The following APOL1 variants were observed in gnomAD, a reference collection of about 807,000 sequenced individuals.
APOL1 encodes the protein apolipoprotein L 1.
Under a neutral mutation model 14.9 loss-of-function variants are expected in APOL1, and 17 were observed. The ratio of observed to expected loss-of-function variants is 1.14; its 90% CI spans 0.78 to 1.71. The LOEUF (loss-of-function observed/expected upper bound fraction) is 1.71, where lower values mean the gene tolerates loss of function less well. Among genes scored for constraint, APOL1 ranks in the 40% most tolerant of loss-of-function variants. The probability of loss-of-function intolerance (pLI) is 0.00; values close to 1 mark genes in which losing one functional copy is unlikely to be tolerated. For synonymous variants in APOL1, 195 were observed against 184.8 expected (o/e 1.05, Z -0.45); for missense variants, 523 against 485.9 (o/e 1.08, Z -0.72).
rs554687721 is a variant in APOL1 at position 36,265,603 on chromosome 22, A to G, written c.767A>G (p.Glu256Gly). ...CTTGACAAATTGAAGGAGGTGAGGG[A>G]GTTTTTGGGTGAGAACATATCCAAC... ...KSLDKLKEVR[E>G]FLGENISNFL... The change falls in exon 6 of 6, where the codon GAG becomes GGG. Residue 256 changes from glutamate to glycine, a missense_variant. Glu to Gly is a moderately conservative substitution (Grantham distance 98). Transcript: ENST00000397278. The G allele has an allele frequency of 2.4e-4, 384 of 1,596,432 alleles. 6 individuals carry two copies. In the Admixed American group the frequency reaches 6.6e-3, roughly 27 times the overall value.
intron 1 of APOL1, among the ~76,000 whole-genome samples, chr22:36,254,263 C>T (rs2015784675): frequency 6.6e-6 from 1 of 152,016 alleles, no homozygotes; most frequent in Non-Finnish European, 1.5e-5. Flanking sequence ...AAATCTGAGT[C>T]ATGGTCTTAT....
At chr22:36,258,157 C>T (rs534022857) in intron 4 of APOL1, among the ~76,000 whole-genome samples, 3 of 152,176 alleles carry the variant, frequency 2.0e-5, no homozygotes, top group Non-Finnish European at 4.4e-5. Context: ...CGTCCCCCCC[C>T]AGCTGTGTTA....
rs1214238284 is a variant in APOL1 at position 36,265,123 on chromosome 22, CT to C, written c.315-26del. 3 of 1,611,812 alleles carry C rather than the reference CT, an allele frequency of 1.9e-6. No homozygotes were observed. The African/African-American group carries it at 4.0e-5, about 22-fold the overall frequency. The stretch of plus-strand genomic sequence containing the variant: ...ACCACACCGAGCCAAAACTGCATTT[CT>C]TAATCCTTTAACCTTTCCTTGTGCA... On this transcript the variant is annotated intron_variant, in intron 5 of 5. Transcript: ENST00000397278.
intron 2 of APOL1, among the ~76,000 whole-genome samples, chr22:36,256,495 C>T (rs1057008969): frequency 6.6e-6 from 1 of 152,216 alleles, no homozygotes; most frequent in Non-Finnish European, 1.5e-5. Flanking sequence ...GACAGGGCAG[C>T]ACCAGGAGGG....
rs373553101 is a variant in APOL1, at chr22:36,266,084, C to CA, written c.*55dup. The CA allele has an allele frequency of 6.6e-7, 1 of 1,514,236 alleles. No homozygotes were observed. The highest frequency in any genetic ancestry group is 2.3e-5 in the East Asian group (1 of 44,112). 93.8% of individuals were successfully genotyped at this position (1,514,236 alleles called of 1,614,324 possible). A position where few individuals can be genotyped will look rare whatever the true frequency, so the allele number is the denominator to read the frequency against. On this transcript the variant is annotated 3_prime_UTR_variant, in exon 6 of 6. Transcript: ENST00000397278. ...GAGATATGCCTGGCAGGGGCCAGGACAAAATGCAAACTTTTTTTTTTTTCT... is the reference window on the plus strand; with the variant it reads ...GAGATATGCCTGGCAGGGGCCAGGACAAAAATGCAAACTTTTTTTTTTTTCT...
At chr22:36,260,629 T>C (rs1196537850) in intron 4 of APOL1, among the ~76,000 whole-genome samples, 1 of 152,184 alleles carries the variant, frequency 6.6e-6, no homozygotes, top group African/African-American at 2.4e-5. Flanking sequence ...AATGTGAATA[T>C]TTGCTTGTTT....
At chr22:36,254,701 A>G (rs935705994) in intron 1 of APOL1, among the ~76,000 whole-genome samples, 2 of 152,034 alleles carry the variant, frequency 1.3e-5, no homozygotes, top group African/African-American at 2.4e-5. Context: ...TCTCTACTAA[A>G]AATACAAAAA....
At position 36,253,150 on chromosome 22, in the gene APOL1, C is replaced by A; in HGVS notation, c.-89C>A. On this transcript the variant is annotated 5_prime_UTR_variant, in exon 1 of 6. It adds an upstream start codon to the 5' untranslated region. Transcript: ENST00000397278. ...GTCTGGTTATTATACAGACGCATAA[C>A]TGGAGGTGGGATCCACACAGCTCAG... 2.0e-6 allele frequency: 1 copy of A among 496,140 alleles called. No individual in the cohort carries two copies. The highest frequency in any genetic ancestry group is 4.0e-6 in the Non-Finnish European group (1 of 248,888). The allele number at this position is 496,140 out of a possible 1,614,324, so 30.7% of individuals were successfully genotyped here. A position where few individuals can be genotyped will look rare whatever the true frequency, so the allele number is the denominator to read the frequency against.
chr22:36,265,324 A>T lies in APOL1; in HGVS notation c.488A>T (p.Asp163Val), dbSNP rs2016203623. 1.2e-6 allele frequency: 2 copies of T among 1,612,478 alleles called. No individual in the cohort carries two copies. The highest frequency in any genetic ancestry group is 1.3e-5 in the African/African-American group (1 of 74,778). ...ATAAGAAGGCTCCGTGCCCTTGCAGATGGGGTTCAGAAGGTCCACAAAGGC... is the reference window on the plus strand; with the variant it reads ...ATAAGAAGGCTCCGTGCCCTTGCAGTTGGGGTTCAGAAGGTCCACAAAGGC... ...DNIRRLRALA[D>V]GVQKVHKGTT... The change falls in exon 6 of 6, where the codon GAT becomes GTT. Residue 163 changes from aspartate (D) to valine (V), a missense_variant. By Grantham distance (152) the Asp-to-Val change is radical (BLOSUM62 -3). Transcript: ENST00000397278.
In APOL1 at chr22:36,265,419, G is replaced by A; in HGVS notation, c.583G>A (p.Gly195Ser). 1.2e-6 allele frequency: 2 copies of A among 1,614,018 alleles called. No individual in the cohort carries two copies. Among genetic ancestry groups the A allele is most frequent in the East Asian group, 2.2e-5 (1 of 44,876 alleles). The change falls in exon 6 of 6, where the codon GGT (glycine) becomes AGT (serine). Residue 195 changes from glycine to serine, a missense_variant. Coordinates refer to ENST00000397278, the MANE Select transcript of APOL1 (RefSeq NM_003661.4). ...SSGILTLVGMGLAPFTEGGSL... is the reference protein window; with the variant it reads ...SSGILTLVGMSLAPFTEGGSL... The stretch of plus-strand genomic sequence containing the variant: ...TGGCATCCTGACCCTCGTCGGCATG[G>A]GTCTGGCACCCTTCACAGAGGGAGG...
rs1484707564 is a variant in APOL1 at position 36,257,358 on chromosome 22, TC to T, written c.140del (p.Pro47LeufsTer33). On this transcript the variant is annotated frameshift_variant, in exon 4 of 6. Transcript: ENST00000397278. LOFTEE classifies it high-confidence loss of function. ...TTCCAAGTGGGACAGATACTGGAGA[TC>T]CTCAAAGTAAGCCCCTCGGTGACTG... ...NVPSGTDTGD[P>X]QSKPLGDWAA... The T allele has an allele frequency of 1.9e-6, 3 of 1,614,028 alleles. No individual in the cohort carries two copies.
Position 36,266,316 on chromosome 22 carries a change from C to G in APOL1, c.*283C>G, listed in dbSNP as rs570583963. The G allele has an allele frequency of 2.4e-6, 1 of 422,448 alleles. No individual in the cohort carries two copies. The highest frequency in any genetic ancestry group is 3.6e-5 in the East Asian group (1 of 27,604). 26.2% of individuals were successfully genotyped at this position (422,448 alleles called of 1,614,324 possible). On this transcript the variant is annotated 3_prime_UTR_variant, in exon 6 of 6. Transcript: ENST00000397278. ...ATGTTGGCCAGGATGGTCTCGATCT[C>G]CTGACCTCTTGATCTGCCCACCTTG...
intron 4 of APOL1, chr22:36,259,604 G>T: frequency 8.1e-7 from 1 of 1,240,254 alleles, no homozygotes. Flanking sequence ...CTTACGAAGG[G>T]CTGGGCTGGG....
At chr22:36,257,811 G>C (rs1323422083) in intron 4 of APOL1, among the ~76,000 whole-genome samples, 1 of 152,124 alleles carries the variant, frequency 6.6e-6, no homozygotes, top group Non-Finnish European at 1.5e-5. Context: ...GCTGACCCTG[G>C]GGTGTTTCCA....
intron 1 of APOL1, among the ~76,000 whole-genome samples, chr22:36,254,155 TG>T (rs2015780624): frequency 6.6e-6 from 1 of 152,124 alleles, no homozygotes; most frequent in Admixed American, 6.5e-5. Context: ...TGTGTGACTC[TG>T]GGAAATTCAC....
chr22:36,266,645 C>G lies in APOL1; in HGVS notation c.*612C>G, dbSNP rs949902490. The G allele has an allele frequency of 5.1e-6, 2 of 394,496 alleles. No homozygotes were observed. Among genetic ancestry groups the G allele is most frequent in the African/African-American group, 4.1e-5 (2 of 48,474 alleles). The allele number at this position is 394,496 out of a possible 1,614,324, so 24.4% of individuals were successfully genotyped here. A position where few individuals can be genotyped will look rare whatever the true frequency, so the allele number is the denominator to read the frequency against. On this transcript the variant is annotated 3_prime_UTR_variant, in exon 6 of 6. Coordinates refer to ENST00000397278, the MANE Select transcript of APOL1 (RefSeq NM_003661.4). ...GGGGGGCCGGGTGTAGTGGCTCATGCCTGTAATCCGAGCACTTTGGGAGGC... is the reference window on the plus strand; with the variant it reads ...GGGGGGCCGGGTGTAGTGGCTCATGGCTGTAATCCGAGCACTTTGGGAGGC...
At chr22:36,256,645 A>T (rs1230001738) in intron 2 of APOL1, among the ~76,000 whole-genome samples, 2 of 152,254 alleles carry the variant, frequency 1.3e-5, no homozygotes, top group Non-Finnish European at 2.9e-5. Context: ...AGTTGAGCAC[A>T]GAGTGTGAGA....
Position 36,265,430 on chromosome 22 carries a change from C to G in APOL1, c.594C>G (p.Pro198=), listed in dbSNP as rs541546105. 6.2e-7 allele frequency: 1 copy of G among 1,614,138 alleles called. No homozygotes were observed. The highest frequency in any genetic ancestry group is 8.5e-7 in the Non-Finnish European group (1 of 1,180,022). Residue 198 remains proline, a synonymous_variant, in exon 6 of 6, where the codon CCC becomes CCG. Coordinates refer to ENST00000397278, the MANE Select transcript of APOL1 (RefSeq NM_003661.4). ...ILTLVGMGLA[P]FTEGGSLVLL... ...CCCTCGTCGGCATGGGTCTGGCACCCTTCACAGAGGGAGGCAGCCTTGTAC... is the reference window on the plus strand; with the variant it reads ...CCCTCGTCGGCATGGGTCTGGCACCGTTCACAGAGGGAGGCAGCCTTGTAC...
intron 5 of APOL1, among the ~76,000 whole-genome samples, chr22:36,262,594 G>A (rs1475556352): frequency 1.3e-5 from 2 of 152,206 alleles, no homozygotes; most frequent in South Asian, 2.1e-4. Flanking sequence ...AGGAAGGCTG[G>A]GGCACCAGGG....
Sources: gnomAD v4.1 joint callset for allele counts (sites outside exome capture counted in the v4.1 genomes callset) on GRCh38, gnomAD v4.1.1 for gene constraint, MANE v1.5 for transcripts, NCBI Gene and HGNC (gene_info 2026-07-23, HGNC 2026-07-21) for gene names.